RNLS: variants seen among roughly 807,000 people sequenced by gnomAD.
RNLS encodes renalase.
In RNLS, 39 loss-of-function variants were observed where a neutral mutation model predicts 39.8. The observed-to-expected ratio is 0.98, with a 90% CI of 0.76 to 1.28. The LOEUF is 1.28. Ranked by LOEUF, RNLS falls within the 50% of genes most tolerant of loss-of-function variation. The probability of loss-of-function intolerance (pLI) is 0.00; values close to 1 mark genes in which losing one functional copy is unlikely to be tolerated. For missense variants in RNLS, 410 were observed against 413.3 expected (o/e 0.99, Z 0.07); for synonymous variants, 147 against 150.7 (o/e 0.98, Z 0.18).
At chr10:88,545,727 A>G (rs1792448357) in intron 4 of RNLS, among the ~76,000 whole-genome samples, 1 of 152,202 alleles carries the variant, frequency 6.6e-6, no homozygotes, top group Non-Finnish European at 1.5e-5. Flanking sequence ...CTATTATGTT[A>G]AAGGGTTGAC....
chr10:88,510,144 G>A (rs1276964321), intron 4 of RNLS, among the ~76,000 whole-genome samples: 1 of 152,054 alleles, frequency 6.6e-6, no homozygotes, highest in East Asian at 1.9e-4. Flanking sequence ...TTTATGTTAG[G>A]CTTTTAGATG....
chr10:88,488,656 G>C (rs1844705789), intron 4 of RNLS, among the ~76,000 whole-genome samples: 1 of 151,190 alleles, frequency 6.6e-6, no homozygotes, highest in Admixed American at 6.6e-5. Flanking sequence ...TAAAATATGA[G>C]CAAGCAAAAT....
rs527554024 is a variant in RNLS, at chr10:88,331,916, G to A, written c.701-17275C>T. ...TCCCTGGATGATAAAAGATAGCCAGGGAGAGAGAGGGGAGAAAGATGGGAA... is the reference window on the plus strand; with the variant it reads ...TCCCTGGATGATAAAAGATAGCCAGAGAGAGAGAGGGGAGAAAGATGGGAA... On this transcript the variant is annotated intron_variant, in intron 5 of 6. Coordinates refer to ENST00000331772, the MANE Select transcript of RNLS (RefSeq NM_001031709.3). Among the ~76,000 whole-genome samples, 13 of 152,272 alleles carry A rather than the reference G, an allele frequency of 8.5e-5. No individual in the cohort carries two copies. In the East Asian group the frequency reaches 2.5e-3, roughly 29 times the overall value.
the RNLS span, among the ~76,000 whole-genome samples, chr10:88,242,266 C>G: frequency 4.5e-4 from 68 of 152,194 alleles, no homozygotes; most frequent in Non-Finnish European, 8.8e-5. Context: ...AGCATTGAAT[C>G]ACCTATTTGC....
At chr10:88,490,344 A>G (rs1164126728) in intron 4 of RNLS, among the ~76,000 whole-genome samples, 6 of 152,230 alleles carry the variant, frequency 3.9e-5, no homozygotes, top group Non-Finnish European at 7.3e-5. Context: ...TCTCTATTGC[A>G]TAATTTTAAA....
chr10:88,195,898 C>T, the RNLS span, among the ~76,000 whole-genome samples: 1 of 152,186 alleles, frequency 6.6e-6, no homozygotes, highest in Admixed American at 6.5e-5. Context: ...GAGGCATTCC[C>T]TGGCTTTCTG....
chr10:88,402,616 A>G (rs1853002040), intron 4 of RNLS, among the ~76,000 whole-genome samples: 1 of 152,042 alleles, frequency 6.6e-6, no homozygotes. Flanking sequence ...TGACAGCAAC[A>G]TTTTATGCAG....
chr10:88,433,235 C>T (rs907577000), intron 4 of RNLS, among the ~76,000 whole-genome samples: 2 of 151,938 alleles, frequency 1.3e-5, no homozygotes, highest in African/African-American at 4.8e-5. Flanking sequence ...ATGCTAAGAC[C>T]CAAATATCTG....
the RNLS span, among the ~76,000 whole-genome samples, chr10:88,238,381 C>T: frequency 6.6e-6 from 1 of 152,128 alleles, no homozygotes; most frequent in East Asian, 1.9e-4. Flanking sequence ...ACAAACACAC[C>T]ATTTGAAAGC....
At chr10:88,185,317 C>T in the RNLS span, among the ~76,000 whole-genome samples, 4 of 152,120 alleles carry the variant, frequency 2.6e-5, no homozygotes, top group African/African-American at 4.8e-5. Flanking sequence ...CTTTGAAATG[C>T]CTTTCAGTCT....
At chr10:88,473,871 T>C (rs542678393) in intron 4 of RNLS, among the ~76,000 whole-genome samples, 2 of 152,280 alleles carry the variant, frequency 1.3e-5, no homozygotes, top group Admixed American at 1.3e-4. Flanking sequence ...AGCTTCTCTC[T>C]TTCCTCCTTC....
intron 4 of RNLS, among the ~76,000 whole-genome samples, chr10:88,474,944 A>C (rs567255190): frequency 6.6e-6 from 1 of 152,238 alleles, no homozygotes; most frequent in South Asian, 2.1e-4. Flanking sequence ...GTTTTACAAA[A>C]ACAGGATATA....
At chr10:88,507,878 G>A (rs767925492) in intron 4 of RNLS, among the ~76,000 whole-genome samples, 28 of 152,136 alleles carry the variant, frequency 1.8e-4, no homozygotes, top group Non-Finnish European at 3.5e-4. Context: ...ATGATTACAT[G>A]TAAATCTAAT....
intron 4 of RNLS, among the ~76,000 whole-genome samples, chr10:88,490,383 G>A (rs1844813174): frequency 6.6e-6 from 1 of 152,094 alleles, no homozygotes; most frequent in African/African-American, 2.4e-5. Context: ...TCTTACCTCT[G>A]AACTTTTTAA....
Position 88,338,387 on chromosome 10 carries a change from G to A in RNLS, c.701-23746C>T, listed in dbSNP as rs75443608. Among the ~76,000 whole-genome samples the A allele has an allele frequency of 2.7e-3, 413 of 152,280 alleles. 3 individuals are homozygous for A. Among genetic ancestry groups the A allele is most frequent in the African/African-American group, 9.6e-3 (397 of 41,556 alleles). On this transcript the variant is annotated intron_variant, in intron 5 of 6. Coordinates refer to ENST00000331772, the MANE Select transcript of RNLS (RefSeq NM_001031709.3). Reference sequence around the variant, plus strand: ...CACTGCATTATTTAAGAAAGCTTTGGTCTAGTTTAGCTCTGCTACTATCTA... The same window carrying A: ...CACTGCATTATTTAAGAAAGCTTTGATCTAGTTTAGCTCTGCTACTATCTA...
chr10:88,477,075 C>A (rs1025670773), intron 4 of RNLS, among the ~76,000 whole-genome samples: 1 of 149,462 alleles, frequency 6.7e-6, no homozygotes, highest in African/African-American at 2.5e-5. Context: ...TTGGATTAAC[C>A]CAAAACAAGA....
intron 3 of RNLS, among the ~76,000 whole-genome samples, chr10:88,580,809 T>C (rs1289180365): frequency 1.3e-5 from 2 of 152,160 alleles, no homozygotes; most frequent in Non-Finnish European, 2.9e-5. Context: ...TTTTAACCTA[T>C]TACACTGGCA....
chr10:88,548,647 CATAT>C (rs146359996), intron 4 of RNLS, among the ~76,000 whole-genome samples: 28 of 144,680 alleles, frequency 1.9e-4, no homozygotes, highest in Admixed American at 1.5e-3. Flanking sequence ...TCAAAATATA[CATAT>C]ATATATATAT....
At chr10:88,240,187 T>A in the RNLS span, among the ~76,000 whole-genome samples, 1 of 152,336 alleles carries the variant, frequency 6.6e-6, no homozygotes, top group African/African-American at 2.4e-5. Flanking sequence ...AAGGTAACCA[T>A]GTTTTTTCTT....
Sources: allele counts gnomAD v4.1 joint callset (sites outside exome capture counted in the v4.1 genomes callset), GRCh38; gene constraint gnomAD v4.1.1; transcripts MANE v1.5; gene names NCBI Gene and HGNC (gene_info 2026-07-23, HGNC 2026-07-21).